Variants in CFAP299 observed in about 807,000 individuals in gnomAD.
The protein encoded by CFAP299 is cilia and flagella associated protein 299.
Under a neutral mutation model 27.0 loss-of-function variants are expected in CFAP299, and 21 were observed. The observed-to-expected ratio is 0.78, with a 90% CI of 0.55 to 1.12. The LOEUF (loss-of-function observed/expected upper bound fraction) is 1.12. CFAP299 is among the 50% of genes most tolerant of loss of function. The pLI is 0.00. For missense variants in CFAP299, 310 were observed against 276.6 expected, an observed-to-expected ratio of 1.12 and a Z score of -0.86; for synonymous variants, 104 against 98.1, an observed-to-expected ratio of 1.06 and a Z score of -0.36.
intron 4 of CFAP299, chr4:80,870,557 C>T (rs1733022029): frequency 1.0e-6 from 1 of 988,150 alleles, no homozygotes; most frequent in Non-Finnish European, 1.2e-6. Context: ...CATCTCTGTC[C>T]TATTCTGGGA....
chr4:80,463,934 A>G (rs1729582351), intron 2 of CFAP299, among the ~76,000 whole-genome samples: 1 of 152,176 alleles, frequency 6.6e-6, no homozygotes, highest in South Asian at 2.1e-4. Context: ...CCCGCTCTTC[A>G]TTATCCACAA....
chr4:80,369,069 C>T (rs930574178), intron 2 of CFAP299, among the ~76,000 whole-genome samples: 3 of 152,192 alleles, frequency 2.0e-5, no homozygotes, highest in Admixed American at 1.3e-4. Context: ...ACAAGTTATC[C>T]CACATGGGAT....
At chr4:80,789,466 A>G (rs1401323303) in intron 3 of CFAP299, among the ~76,000 whole-genome samples, 2 of 152,080 alleles carry the variant, frequency 1.3e-5, no homozygotes, top group Non-Finnish European at 2.9e-5. Flanking sequence ...AAAAGTTAAT[A>G]CTGATACAAA....
At chr4:80,810,404 C>T (rs1319334339) in intron 3 of CFAP299, among the ~76,000 whole-genome samples, 1 of 151,648 alleles carries the variant, frequency 6.6e-6, no homozygotes, top group Non-Finnish European at 1.5e-5. Context: ...TACTGAACCT[C>T]AGAATGTGAC....
In CFAP299 at chr4:80,783,258, T is replaced by G. The variant is rs1727035576; in HGVS notation, c.334-86735T>G. 2.6e-5 allele frequency among the ~76,000 whole-genome samples: 4 copies of G among 152,140 alleles called. No individual in the cohort carries two copies. The South Asian group carries it at 8.3e-4, about 31-fold the overall frequency. ...CAATCTCTTTTATGCTCAGAAACAC[T>G]ATGTCACTTACACAATATTCTGTTA... is the stretch of plus-strand genomic sequence containing the variant. On this transcript the variant is annotated intron_variant, in intron 3 of 5. Coordinates refer to ENST00000358105, the MANE Select transcript of CFAP299 (RefSeq NM_152770.3).
chr4:80,575,330 ATT>A (rs1198785280), intron 2 of CFAP299, among the ~76,000 whole-genome samples: 2 of 145,864 alleles, frequency 1.4e-5, no homozygotes, highest in Non-Finnish European at 3.0e-5. Flanking sequence ...CTTTCATTAA[ATT>A]TTTTTTTTTT....
chr4:80,400,259 G>T (rs1407955834), intron 2 of CFAP299, among the ~76,000 whole-genome samples: 1 of 152,114 alleles, frequency 6.6e-6, no homozygotes, highest in South Asian at 2.1e-4. Flanking sequence ...AGGCACTGGG[G>T]AGGAGTTTAG....
chr4:80,776,459 T>C (rs1726546940), intron 3 of CFAP299, among the ~76,000 whole-genome samples: 2 of 152,110 alleles, frequency 1.3e-5, no homozygotes. Context: ...ACGGTCCATG[T>C]CTTAATCAGA....
chr4:80,390,447 TTTC>T (rs530880656), intron 2 of CFAP299, among the ~76,000 whole-genome samples: 276 of 151,118 alleles, frequency 1.8e-3, no homozygotes, highest in Non-Finnish European at 2.9e-3. Flanking sequence ...ATGATAGGAT[TTTC>T]TTCATTTTAA....
At chr4:80,694,086 T>C (rs1381614619) in intron 3 of CFAP299, among the ~76,000 whole-genome samples, 6 of 152,344 alleles carry the variant, frequency 3.9e-5, no homozygotes, top group Admixed American at 3.9e-4. Flanking sequence ...TTGGTGTTTC[T>C]GGCTTACAAT....
intron 3 of CFAP299, among the ~76,000 whole-genome samples, chr4:80,857,356 G>A (rs1310796813): frequency 4.6e-5 from 7 of 152,162 alleles, no homozygotes; most frequent in Non-Finnish European, 1.0e-4. Flanking sequence ...TGCAAACAGG[G>A]ACAATTTGAC....
intron 1 of CFAP299, among the ~76,000 whole-genome samples, chr4:80,351,245 TCA>T (rs1219609316): frequency 2.0e-5 from 3 of 152,186 alleles, no homozygotes; most frequent in Non-Finnish European, 4.4e-5. Flanking sequence ...AAATTTTTTC[TCA>T]GTTTTATATT....
intron 3 of CFAP299, among the ~76,000 whole-genome samples, chr4:80,858,696 A>C (rs1191745698): frequency 1.3e-5 from 2 of 152,100 alleles, no homozygotes; most frequent in African/African-American, 4.8e-5. Context: ...CAGGTTGTTC[A>C]GTTTCCATAT....
Position 80,930,471 on chromosome 4 carries a change from G to T in CFAP299, c.477-14339G>T, listed in dbSNP as rs1382807549. ...AATCTTGTGATTGACATCTGAAGTG[G>T]ATGTTGTGGGCGGAGCGGTCTTGAG... On this transcript the variant is annotated intron_variant, in intron 4 of 5. Coordinates refer to ENST00000358105, the MANE Select transcript of CFAP299 (RefSeq NM_152770.3). Among the ~76,000 whole-genome samples the T allele has an allele frequency of 5.3e-5, 8 of 152,276 alleles. No individual in the cohort carries two copies. The East Asian group carries it at 1.2e-3, about 22-fold the overall frequency.
chr4:80,651,364 CTTCT>C (rs1160803508), intron 3 of CFAP299, among the ~76,000 whole-genome samples: 1 of 136,342 alleles, frequency 7.3e-6, no homozygotes, highest in African/African-American at 2.9e-5. Context: ...CTTTCTTCTT[CTTCT>C]TTTTTTTTTT....
intron 4 of CFAP299, among the ~76,000 whole-genome samples, chr4:80,881,249 G>A (rs1288530396): frequency 1.3e-5 from 2 of 152,172 alleles, no homozygotes; most frequent in African/African-American, 4.8e-5. Flanking sequence ...ACAGCTCTGT[G>A]AGATTGGAAA....
At chr4:80,396,502 A>G (rs1460123793) in intron 2 of CFAP299, among the ~76,000 whole-genome samples, 2 of 152,212 alleles carry the variant, frequency 1.3e-5, no homozygotes. Flanking sequence ...CATTGGTATT[A>G]CTATGAAGGA....
intron 2 of CFAP299, among the ~76,000 whole-genome samples, chr4:80,548,911 C>T (rs1278902817): frequency 6.6e-6 from 1 of 152,010 alleles, no homozygotes; most frequent in Non-Finnish European, 1.5e-5. Context: ...AGAGAAATTA[C>T]AGAAAAGCAG....
intron 3 of CFAP299, among the ~76,000 whole-genome samples, chr4:80,640,754 T>C (rs1299941482): frequency 6.6e-6 from 1 of 152,200 alleles, no homozygotes; most frequent in African/African-American, 2.4e-5. Context: ...TTCCCTCCCA[T>C]GTGCACATTG....
Sources: gnomAD v4.1 joint callset for allele counts (sites outside exome capture counted in the v4.1 genomes callset) on GRCh38, gnomAD v4.1.1 for gene constraint, MANE v1.5 for transcripts, NCBI Gene and HGNC (gene_info 2026-07-23, HGNC 2026-07-21) for gene names.